GAGE10: variants seen among roughly 807,000 people sequenced by gnomAD.
The protein encoded by GAGE10 is G antigen 10.
In GAGE10, 9 loss-of-function variants were observed where a neutral mutation model predicts 11.5. The observed-to-expected ratio is 0.78, with a 90% CI of 0.47 to 1.37. GAGE10 has a LOEUF of 1.37. Ranked by LOEUF, GAGE10 falls within the 40% of genes most tolerant of loss-of-function variation. The pLI is 0.00. For missense variants in GAGE10, 83 were observed against 92.9 expected, an observed-to-expected ratio of 0.89 and a Z score of 0.44; for synonymous variants, 23 against 29.7, an observed-to-expected ratio of 0.77 and a Z score of 0.73.
chrX:49,315,152 T>C (rs1557125081), intron 3 of GAGE10, among the ~76,000 whole-genome samples: 1 of 111,967 alleles, frequency 8.9e-6, no homozygotes, highest in Non-Finnish European at 1.9e-5. Context: ...CTCTGGCCTA[T>C]ATTGGATCTG....
At chrX:49,308,139 A>G (rs1312052912) in intron 3 of GAGE10, among the ~76,000 whole-genome samples, 1 of 112,771 alleles carries the variant, frequency 8.9e-6, no homozygotes, top group African/African-American at 3.2e-5. Flanking sequence ...AAATGCTTAA[A>G]AGATAGCTTG....
chrX:49,309,257 G>T (rs77497377), intron 3 of GAGE10, among the ~76,000 whole-genome samples: 1 of 112,157 alleles, frequency 8.9e-6, no homozygotes, highest in Admixed American at 9.4e-5. Context: ...AGTGCATGAT[G>T]AAAAAATTTA....
At position 49,305,879 on chromosome X, in the gene GAGE10, A is replaced by G. The variant is rs2869204; in HGVS notation, c.202+355A>G. 8.1e-5 allele frequency among the ~76,000 whole-genome samples: 9 copies of G among 111,318 alleles called. No homozygotes were observed. In the South Asian group the frequency reaches 1.1e-3, roughly 14 times the overall value. On this transcript the variant is annotated intron_variant, in intron 3 of 4. Coordinates refer to ENST00000407599, the MANE Select transcript of GAGE10 (RefSeq NM_001098413.4). Reference sequence around the variant, plus strand: ...CATCTATGTTGCTGTAAAAACGGAAATGATTTTGCTGAAAATGCTTAAAAC... The same window carrying G: ...CATCTATGTTGCTGTAAAAACGGAAGTGATTTTGCTGAAAATGCTTAAAAC...
intron 3 of GAGE10, among the ~76,000 whole-genome samples, chrX:49,315,320 T>A (rs4824463): frequency 0.44 from 49,250 of 110,991 alleles, 9,112 homozygotes; most frequent in Non-Finnish European, 0.59. Context: ...AAGAAGCATA[T>A]TCACAAAAAT....
At chrX:49,313,635 G>A (rs1320215365) in intron 3 of GAGE10, among the ~76,000 whole-genome samples, 1 of 111,705 alleles carries the variant, frequency 9.0e-6, no homozygotes, top group Non-Finnish European at 1.9e-5. Context: ...CAACAACCTT[G>A]GGGCCCTTAT....
Position 49,307,634 on chromosome X carries a change from G to A in GAGE10, c.202+2110G>A, listed in dbSNP as rs1557124309. Among the ~76,000 whole-genome samples, 7 of 111,091 alleles carry A rather than the reference G, an allele frequency of 6.3e-5. 1 individual carries two copies. The highest frequency in any genetic ancestry group is 1.9e-4 in the Admixed American group (2 of 10,453). The stretch of plus-strand genomic sequence containing the variant: ...GCTAGGACTACAGGGCCTGGCCACC[G>A]TGCCTGAGTAATGTTTCCTTTTTTT... On this transcript the variant is annotated intron_variant, in intron 3 of 4. Transcript: ENST00000407599.
At chrX:49,316,691 G>A (rs2066392907) in intron 3 of GAGE10, among the ~76,000 whole-genome samples, 3 of 112,101 alleles carry the variant, frequency 2.7e-5, no homozygotes, top group African/African-American at 9.7e-5. Context: ...TGTCATTCAT[G>A]ATACAGACAT....
At chrX:49,317,416 C>A (rs1466966565) in intron 4 of GAGE10, 128 bp downstream of exon 4, 1 of 1,011,589 alleles carries the variant, frequency 9.9e-7, no homozygotes, top group African/African-American at 1.9e-5. Context: ...GGTGGCATCT[C>A]GGCTCATTGG....
At position 49,304,899 on chromosome X, in the gene GAGE10, A is replaced by T. The variant is rs782399323; in HGVS notation, c.40A>T (p.Arg14Ter). ...AAGATCGACCTATCGGCCTAGACCA[A>T]GACGCTACGTAGAGCCCCCTGAAAT... Reference protein sequence around the residue: ...RGRSTYRPRPRRYVEPPEMIG... With the variant: ...RGRSTYRPRP Residue 14 changes from arginine to a stop codon, truncating the protein, a stop_gained, in exon 2 of 5, where the codon AGA becomes TGA. Coordinates refer to ENST00000407599, the MANE Select transcript of GAGE10 (RefSeq NM_001098413.4). LOFTEE classifies it high-confidence loss of function. The T allele has an allele frequency of 3.2e-5, 39 of 1,208,210 alleles. No homozygotes were observed. The highest frequency in any genetic ancestry group is 1.7e-4 in the Admixed American group (8 of 45,872).
intron 1 of GAGE10, among the ~76,000 whole-genome samples, chrX:49,304,082 T>A (rs2066346703): frequency 9.0e-6 from 1 of 111,640 alleles, no homozygotes; most frequent in Non-Finnish European, 1.9e-5. Context: ...GTCAGAGGGA[T>A]GGAAGTCCGG....
intron 3 of GAGE10, among the ~76,000 whole-genome samples, chrX:49,308,282 G>A (rs1557124364): frequency 1.8e-5 from 2 of 112,106 alleles, no homozygotes; most frequent in Admixed American, 9.4e-5. Flanking sequence ...CTGGTGACCC[G>A]GACAGGGATT....
intron 1 of GAGE10, among the ~76,000 whole-genome samples, chrX:49,304,566 T>G (rs1425688372): frequency 1.8e-5 from 2 of 111,234 alleles, no homozygotes; most frequent in Admixed American, 9.4e-5. Flanking sequence ...ATCACGCCGC[T>G]GCACTCTGCC....
intron 3 of GAGE10, among the ~76,000 whole-genome samples, chrX:49,311,861 T>C: frequency 8.9e-6 from 1 of 112,314 alleles, no homozygotes; most frequent in East Asian, 2.8e-4. Context: ...GCAATCCTTA[T>C]AGAAGATGCC....
chrX:49,306,269 A>C (rs1212334817), intron 3 of GAGE10, among the ~76,000 whole-genome samples: 1 of 112,203 alleles, frequency 8.9e-6, no homozygotes, highest in African/African-American at 3.2e-5. Flanking sequence ...CACTGTTAAA[A>C]ATTTCTAGAA....
chrX:49,317,051 T>A (rs2066394395), intron 3 of GAGE10, 112 bp from the exon 4 acceptor site: 1 of 917,013 alleles, frequency 1.1e-6, no homozygotes, highest in South Asian at 2.4e-5. Flanking sequence ...AACATATTTA[T>A]TATTATACTA....
At chrX:49,315,315 G>A (rs1429833320) in intron 3 of GAGE10, among the ~76,000 whole-genome samples, 1 of 112,044 alleles carries the variant, frequency 8.9e-6, no homozygotes, top group African/African-American at 3.2e-5. Flanking sequence ...ACTAGAAGAA[G>A]CATATTCACA....
At chrX:49,317,732 T>A (rs2066399715) in intron 4 of GAGE10, among the ~76,000 whole-genome samples, 1 of 111,191 alleles carries the variant, frequency 9.0e-6, no homozygotes, top group Non-Finnish European at 1.9e-5. Context: ...TGAAACGTAG[T>A]TCAGGCCCCA....
chrX:49,317,505 G>T (rs1557125482), intron 4 of GAGE10, among the ~76,000 whole-genome samples: 1 of 111,407 alleles, frequency 9.0e-6, no homozygotes, highest in African/African-American at 3.3e-5. Flanking sequence ...ACACCAATGT[G>T]CCCAGCTAAT....
chrX:49,309,894 T>C (rs1302064899), intron 3 of GAGE10, among the ~76,000 whole-genome samples: 1 of 112,195 alleles, frequency 8.9e-6, no homozygotes, highest in Non-Finnish European at 1.9e-5. Flanking sequence ...GCCGAAGTTA[T>C]GCTTACGCCT....
Sources: allele counts gnomAD v4.1 joint callset (sites outside exome capture counted in the v4.1 genomes callset), GRCh38; gene constraint gnomAD v4.1.1; transcripts MANE v1.5; gene names NCBI Gene and HGNC (gene_info 2026-07-23, HGNC 2026-07-21).